The following SLC24A2 variants were observed in gnomAD, a reference collection of about 807,000 sequenced individuals.
The protein encoded by SLC24A2 is solute carrier family 24 member 2, also known as sodium/potassium/calcium exchanger 2.
A neutral mutation model predicts 62.0 loss-of-function variants in SLC24A2; 36 were observed. The observed-to-expected ratio is 0.58, with a 90% CI of 0.44 to 0.77. The LOEUF (loss-of-function observed/expected upper bound fraction) is 0.77. SLC24A2 is among the 30% of genes least tolerant of loss of function. The pLI is 0.00. For missense variants in SLC24A2, 846 were observed against 817.9 expected, an observed-to-expected ratio of 1.03 and a Z score of -0.42; for synonymous variants, 358 against 294.0, an observed-to-expected ratio of 1.22 and a Z score of -2.23.
the SLC24A2 span, among the ~76,000 whole-genome samples, chr9:20,124,597 C>G: frequency 6.6e-6 from 1 of 152,136 alleles, no homozygotes; most frequent in Non-Finnish European, 1.5e-5. Flanking sequence ...GTACCTAGTG[C>G]CTTCATGCTA....
intron 2 of SLC24A2, among the ~76,000 whole-genome samples, chr9:19,743,520 G>A (rs2118776492): frequency 6.6e-6 from 1 of 152,224 alleles, no homozygotes; most frequent in African/African-American, 2.4e-5. Flanking sequence ...GTGTGCTGTC[G>A]GGGCTGGGCA....
chr9:19,735,021 A>C (rs986011042), intron 2 of SLC24A2, among the ~76,000 whole-genome samples: 1 of 152,124 alleles, frequency 6.6e-6, no homozygotes, highest in Non-Finnish European at 1.5e-5. Flanking sequence ...GGATCTAATT[A>C]AACTAAAGAG....
intron 4 of SLC24A2, 41 bp downstream of exon 4, chr9:19,619,543 T>A (rs1260757580): frequency 2.0e-6 from 3 of 1,471,270 alleles, no homozygotes; most frequent in Middle Eastern, 1.7e-4. Context: ...TGGCATCCTT[T>A]TCCCCCCAAA....
the SLC24A2 span, among the ~76,000 whole-genome samples, chr9:19,796,549 T>C: frequency 2.0e-5 from 3 of 152,236 alleles, no homozygotes; most frequent in Non-Finnish European, 2.9e-5. Flanking sequence ...TTCCCCAGAA[T>C]GGGGCACAGG....
At chr9:20,041,312 A>T in the SLC24A2 span, among the ~76,000 whole-genome samples, 1 of 152,262 alleles carries the variant, frequency 6.6e-6, no homozygotes, top group Non-Finnish European at 1.5e-5. Context: ...TTCTTCCTGT[A>T]GGAAGTGTCA....
the SLC24A2 span, among the ~76,000 whole-genome samples, chr9:19,831,294 A>G: frequency 1.1e-4 from 16 of 152,264 alleles, 1 homozygote; most frequent in African/African-American, 3.4e-4. Context: ...GCCAGGGGAG[A>G]GTGCCCATTC....
chr9:20,008,655 C>A, the SLC24A2 span, among the ~76,000 whole-genome samples: 2 of 152,104 alleles, frequency 1.3e-5, no homozygotes, highest in Admixed American at 6.5e-5. Context: ...AATATGACAT[C>A]TTTGTAGTCC....
the SLC24A2 span, among the ~76,000 whole-genome samples, chr9:20,235,593 G>C: frequency 2.0e-5 from 3 of 152,302 alleles, no homozygotes; most frequent in African/African-American, 7.2e-5. Flanking sequence ...TGCAGTATTG[G>C]GGTGGGAGTG....
the SLC24A2 span, among the ~76,000 whole-genome samples, chr9:20,045,610 T>C: frequency 6.6e-6 from 1 of 151,920 alleles, no homozygotes; most frequent in Non-Finnish European, 1.5e-5. Flanking sequence ...TTTTTGTGTT[T>C]TTAGTAGAGG....
the SLC24A2 span, among the ~76,000 whole-genome samples, chr9:20,086,060 A>C: frequency 6.6e-6 from 1 of 152,142 alleles, no homozygotes; most frequent in African/African-American, 2.4e-5. Flanking sequence ...ATCAGAGCTC[A>C]CTGGATGCAT....
At chr9:20,095,832 G>T in the SLC24A2 span, among the ~76,000 whole-genome samples, 1 of 152,096 alleles carries the variant, frequency 6.6e-6, no homozygotes, top group Admixed American at 6.5e-5. Flanking sequence ...GGTGGAAGGC[G>T]AAAGGCAAGT....
chr9:20,272,740 G>C, the SLC24A2 span, among the ~76,000 whole-genome samples: 1 of 152,156 alleles, frequency 6.6e-6, no homozygotes, highest in Non-Finnish European at 1.5e-5. Context: ...TCCAGTCAAG[G>C]TTCCTTTGGT....
intron 2 of SLC24A2, among the ~76,000 whole-genome samples, chr9:19,696,934 T>C (rs1185841892): frequency 2.6e-5 from 4 of 152,212 alleles, no homozygotes; most frequent in African/African-American, 9.6e-5. Flanking sequence ...CTTTGTCATG[T>C]ACCTGGTTTG....
the SLC24A2 span, among the ~76,000 whole-genome samples, chr9:20,107,372 A>T: frequency 6.6e-6 from 1 of 151,488 alleles, no homozygotes; most frequent in Non-Finnish European, 1.5e-5. Flanking sequence ...ACCAAAAAAG[A>T]GCCCACATTG....
chr9:19,703,336 C>T (rs528320430), intron 2 of SLC24A2, among the ~76,000 whole-genome samples: 3 of 152,172 alleles, frequency 2.0e-5, no homozygotes, highest in Admixed American at 6.5e-5. Context: ...AACACGAGCC[C>T]TTTCATTCCA....
the SLC24A2 span, among the ~76,000 whole-genome samples, chr9:19,794,793 A>G: frequency 6.6e-6 from 1 of 152,198 alleles, no homozygotes; most frequent in East Asian, 1.9e-4. Flanking sequence ...AATACTGGTA[A>G]AGGAGGCATG....
intron 4 of SLC24A2, among the ~76,000 whole-genome samples, chr9:19,607,935 T>TTTCAAA (rs1837038498): frequency 6.6e-6 from 1 of 152,166 alleles, no homozygotes; most frequent in Non-Finnish European, 1.5e-5. Flanking sequence ...TTCAACCATG[T>TTTCAAA]TTCAAATTCA....
the SLC24A2 span, among the ~76,000 whole-genome samples, chr9:19,941,556 A>G: frequency 3.0e-5 from 4 of 134,076 alleles, no homozygotes; most frequent in Non-Finnish European, 6.4e-5. Context: ...GAGGACTGGG[A>G]GTGTGTGTGT....
chr9:19,852,560 C>A, the SLC24A2 span, among the ~76,000 whole-genome samples: 65 of 152,292 alleles, frequency 4.3e-4, no homozygotes, highest in Middle Eastern at 0.01. Flanking sequence ...CTCCCAGAAC[C>A]ATTTATTAAA....
Sources: allele counts gnomAD v4.1 joint callset (sites outside exome capture counted in the v4.1 genomes callset), GRCh38; gene constraint gnomAD v4.1.1; transcripts MANE v1.5; gene names NCBI Gene and HGNC (gene_info 2026-07-23, HGNC 2026-07-21).